The following CRACDL variants were observed in gnomAD, a reference collection of about 807,000 sequenced individuals.
CRACDL encodes the protein CRACD-like protein.
CRACDL carries 26 observed loss-of-function variants against 70.6 expected under a neutral mutation model. The ratio of observed to expected loss-of-function variants is 0.37; its 90% confidence interval spans 0.27 to 0.51. CRACDL has a LOEUF of 0.51. Among genes scored for constraint, CRACDL ranks in the 20% least tolerant of loss-of-function variants. The pLI, the probability that CRACDL is intolerant of heterozygous loss-of-function variation, is 0.94. For missense variants in CRACDL, 1,283 were observed against 1,376.9 expected (o/e 0.93, Z 1.08); for synonymous variants, 618 against 615.2 (o/e 1.00, Z -0.07).
intron 1 of CRACDL, among the ~76,000 whole-genome samples, chr2:98,880,737 C>A (rs113355665): frequency 1.3e-5 from 2 of 152,174 alleles, no homozygotes. Context: ...GGCACTGGAG[C>A]CAAACTCAAC....
chr2:98,806,269 G>A (rs1374012856), intron 7 of CRACDL, among the ~76,000 whole-genome samples: 1 of 152,254 alleles, frequency 6.6e-6, no homozygotes, highest in African/African-American at 2.4e-5. Flanking sequence ...GGTAACATCT[G>A]TGAGAAGGCA....
At chr2:98,797,004 G>A (rs757877102) in intron 8 of CRACDL, among the ~76,000 whole-genome samples, 1 of 152,200 alleles carries the variant, frequency 6.6e-6, no homozygotes, top group African/African-American at 2.4e-5. Flanking sequence ...TGTCTAACTC[G>A]AAGTTATTTT....
rs147195043 is a variant in CRACDL, at chr2:98,883,565, G to T, written c.-10-36755C>A. ...CATGTACGTATCAGGTGCTCGGCAA[G>T]GGGCAGCAGCATATTGCTCCCACTG... is the stretch of plus-strand genomic sequence containing the variant. On this transcript the variant is annotated intron_variant, in intron 1 of 9. Coordinates refer to ENST00000397899, the MANE Select transcript of CRACDL (RefSeq NM_207362.3). Among the ~76,000 whole-genome samples the T allele has an allele frequency of 1.2e-4, 18 of 152,320 alleles. No homozygotes were observed. In the East Asian group the frequency reaches 2.9e-3, roughly 24 times the overall value.
intron 1 of CRACDL, among the ~76,000 whole-genome samples, chr2:98,871,403 C>CT (rs946042380): frequency 2.6e-5 from 4 of 152,108 alleles, no homozygotes; most frequent in Non-Finnish European, 5.9e-5. Flanking sequence ...TGGTCCATTG[C>CT]TTTTTTTGCA....
Position 98,797,457 on chromosome 2 carries a change from T to G in CRACDL, c.2497A>C (p.Lys833Gln), listed in dbSNP as rs1223718078. 4 of 1,614,252 alleles carry G rather than the reference T, an allele frequency of 2.5e-6. No homozygotes were observed. The Admixed American group carries it at 6.7e-5, about 27-fold the overall frequency. ...APPWITVTRQ[K>Q]RRGTLDQPPN... Reference sequence around the variant, plus strand: ...GGCTGGTCCAAGGTCCCCCTCCGCTTCTGCCGAGTGACGGTGATCCAGGGT... The same window carrying G: ...GGCTGGTCCAAGGTCCCCCTCCGCTGCTGCCGAGTGACGGTGATCCAGGGT... Residue 833 changes from lysine (K) to glutamine (Q), a missense_variant, in exon 8 of 10, where the codon AAG (lysine) becomes CAG (glutamine). By Grantham distance (53) the Lys-to-Gln change is moderately conservative (BLOSUM62 1). This residue lies in a region of CRACDL where 921 missense variants were observed against 881.9 expected (regional missense o/e 1.04). Coordinates refer to ENST00000397899, the MANE Select transcript of CRACDL (RefSeq NM_207362.3).
At chr2:98,831,603 G>A (rs1033735285) in intron 5 of CRACDL, among the ~76,000 whole-genome samples, 1 of 152,242 alleles carries the variant, frequency 6.6e-6, no homozygotes, top group Non-Finnish European at 1.5e-5. Context: ...TGGGAAGGAT[G>A]ACCACCTATT....
rs1440340855 is a variant in CRACDL at position 98,826,231 on chromosome 2, C to T, written c.735+744G>A. Among the ~76,000 whole-genome samples, 3 of 152,236 alleles carry T rather than the reference C, an allele frequency of 2.0e-5. No homozygotes were observed. In the East Asian group the frequency reaches 5.8e-4, roughly 29 times the overall value. On this transcript the variant is annotated intron_variant, in intron 6 of 9. Transcript: ENST00000397899. ...GCAGCACACCCAAAGAGGGGTCTGTCTTTCCGAGGCATGCTCCCCATGCTA... is the reference window on the plus strand; with the variant it reads ...GCAGCACACCCAAAGAGGGGTCTGTTTTTCCGAGGCATGCTCCCCATGCTA...
At chr2:98,820,224 T>C (rs914441146) in intron 7 of CRACDL, among the ~76,000 whole-genome samples, 2 of 152,080 alleles carry the variant, frequency 1.3e-5, no homozygotes, top group African/African-American at 4.8e-5. Context: ...GTTCACAGAT[T>C]TCCATTAATT....
intron 7 of CRACDL, among the ~76,000 whole-genome samples, chr2:98,811,593 T>C (rs928778445): frequency 6.6e-6 from 1 of 151,918 alleles, no homozygotes; most frequent in Non-Finnish European, 1.5e-5. Flanking sequence ...GTTGTACAGT[T>C]CTGAATTTTA....
At chr2:98,874,823 C>T (rs1005571872) in intron 1 of CRACDL, among the ~76,000 whole-genome samples, 1 of 152,180 alleles carries the variant, frequency 6.6e-6, no homozygotes, top group African/African-American at 2.4e-5. Flanking sequence ...GTCCCATCCT[C>T]GTTACTGATC....
intron 7 of CRACDL, among the ~76,000 whole-genome samples, chr2:98,803,297 G>A (rs1704160269): frequency 6.6e-6 from 1 of 152,078 alleles, no homozygotes; most frequent in Non-Finnish European, 1.5e-5. Flanking sequence ...ACTGTGCCCG[G>A]CCATGACTAG....
chr2:98,932,267 C>T (rs1709097278), intron 1 of CRACDL, among the ~76,000 whole-genome samples: 1 of 152,188 alleles, frequency 6.6e-6, no homozygotes, highest in South Asian at 2.1e-4. Flanking sequence ...GCCTGTCTCC[C>T]TTTCAAAGGC....
At chr2:98,858,296 C>T (rs574312296) in intron 1 of CRACDL, among the ~76,000 whole-genome samples, 79 of 152,234 alleles carry the variant, frequency 5.2e-4, no homozygotes, top group Admixed American at 1.2e-3. Context: ...AGGCGGATCA[C>T]ATGAGGCCAG....
intron 1 of CRACDL, among the ~76,000 whole-genome samples, chr2:98,916,595 T>A (rs1405050232): frequency 6.6e-6 from 1 of 152,208 alleles, no homozygotes; most frequent in South Asian, 2.1e-4. Flanking sequence ...CTCATTTTTA[T>A]ATGTTTCCTT....
In CRACDL at chr2:98,827,073, C is replaced by T; in HGVS notation, c.637G>A (p.Ala213Thr). The change falls in exon 6 of 10, where the codon GCA (alanine) becomes ACA (threonine). Residue 213 changes from alanine (A) to threonine (T), a missense_variant. This residue lies in a region of CRACDL where 362 missense variants were observed against 495.0 expected (regional missense o/e 0.73). Transcript: ENST00000397899. ...LAPVADFSYP[A>T]ESSSCLDNSA... ...TTGTCCAGGCAGGAGGAGGATTCTG[C>T]AGGATAACTGAAGTCAGCCACTGGT... 1 of 1,614,144 alleles carries T rather than the reference C, an allele frequency of 6.2e-7. No individual in the cohort carries two copies. Among genetic ancestry groups the T allele is most frequent in the Non-Finnish European group, 8.5e-7 (1 of 1,179,988 alleles).
chr2:98,885,165 G>C (rs1707768288), intron 1 of CRACDL, among the ~76,000 whole-genome samples: 1 of 152,198 alleles, frequency 6.6e-6, no homozygotes. Context: ...GTGGTTCATA[G>C]AGATGATCCA....
Position 98,794,107 on chromosome 2 carries a change from G to A in CRACDL, c.*425C>T, listed in dbSNP as rs925337407. The stretch of plus-strand genomic sequence containing the variant: ...GAAAGAAGACAGGATCCACAGGCAA[G>A]AGAGCGACCAGAGACATGGGCTGAT... On this transcript the variant is annotated 3_prime_UTR_variant, in exon 10 of 10. Transcript: ENST00000397899. 1 of 153,784 alleles carries A rather than the reference G, an allele frequency of 6.5e-6. No homozygotes were observed. The highest frequency in any genetic ancestry group is 6.5e-5 in the Admixed American group (1 of 15,344). The allele number at this position is 153,784 out of a possible 1,614,324, so 9.5% of individuals were successfully genotyped here.
chr2:98,808,201 G>A (rs189763378), intron 7 of CRACDL, among the ~76,000 whole-genome samples: 1 of 152,328 alleles, frequency 6.6e-6, no homozygotes, highest in Non-Finnish European at 1.5e-5. Context: ...GACGTACTGG[G>A]TGGGAAGCAT....
intron 1 of CRACDL, among the ~76,000 whole-genome samples, chr2:98,867,602 T>G (rs1425031589): frequency 2.0e-5 from 3 of 152,220 alleles, no homozygotes; most frequent in Non-Finnish European, 4.4e-5. Context: ...AGCATCAGAC[T>G]TCATAGCCTT....
Sources: gnomAD v4.1 joint callset for allele counts (sites outside exome capture counted in the v4.1 genomes callset) on GRCh38, gnomAD v4.1.1 for gene constraint, gnomAD v4.1.1 regional missense constraint, MANE v1.5 for transcripts, NCBI Gene and HGNC (gene_info 2026-07-23, HGNC 2026-07-21) for gene names.